TANC1: variants seen among roughly 807,000 people sequenced by gnomAD.
TANC1 encodes the protein protein TANC1.
A neutral mutation model predicts 149.7 loss-of-function variants in TANC1; 77 were observed. The ratio of observed to expected loss-of-function variants is 0.51; its 90% CI spans 0.43 to 0.62. TANC1 has a LOEUF of 0.62. Ranked by LOEUF, TANC1 falls within the 20% of genes least tolerant of loss-of-function variation. The pLI is 0.00. For synonymous variants in TANC1, 854 were observed against 925.0 expected, an observed-to-expected ratio of 0.92 and a Z score of 1.39; for missense variants, 1,985 against 2,321.8, an observed-to-expected ratio of 0.85 and a Z score of 2.98.
At chr2:159,213,182 A>C (rs1184015438) in intron 19 of TANC1, among the ~76,000 whole-genome samples, 1 of 152,162 alleles carries the variant, frequency 6.6e-6, no homozygotes, top group Non-Finnish European at 1.5e-5. Flanking sequence ...CAAAATAATC[A>C]ACTCAAAATC....
chr2:159,024,479 A>G (rs1368900650), intron 2 of TANC1, among the ~76,000 whole-genome samples: 2 of 152,178 alleles, frequency 1.3e-5, no homozygotes, highest in Non-Finnish European at 2.9e-5. Context: ...GCATGGGCGC[A>G]GTGGCTCATG....
chr2:159,179,204 C>T lies in TANC1; in HGVS notation c.2510+41C>T, dbSNP rs73002953. 1.7e-3 allele frequency: 2,655 copies of T among 1,570,626 alleles called. 39 individuals are homozygous for T. The African/African-American group carries it at 0.031, about 18-fold the overall frequency. ...TCTTTCAGCTCTTTGCAGGGAATCT[C>T]GTGTGCAGTTGGGGAAAGGATTTAA... On this transcript the variant is annotated intron_variant, in intron 14 of 26. Coordinates refer to ENST00000263635, the MANE Select transcript of TANC1 (RefSeq NM_033394.3).
rs182341197 is a variant in TANC1, at chr2:158,992,525, C to T, written c.-125-8555C>T. On this transcript the variant is annotated intron_variant, in intron 1 of 26. Coordinates refer to ENST00000263635, the MANE Select transcript of TANC1 (RefSeq NM_033394.3). ...GTGTAATATATTTCTTTTTTTGAGACGGAGTCTTGCCCTGTCGCCCAGGCT... is the reference window on the plus strand; with the variant it reads ...GTGTAATATATTTCTTTTTTTGAGATGGAGTCTTGCCCTGTCGCCCAGGCT... Among the ~76,000 whole-genome samples the T allele has an allele frequency of 3.9e-4, 60 of 151,914 alleles. 1 individual carries two copies. The highest frequency in any genetic ancestry group is 1.1e-3 in the Admixed American group (17 of 15,236).
At chr2:158,998,579 G>A (rs1169731228) in intron 1 of TANC1, among the ~76,000 whole-genome samples, 3 of 152,248 alleles carry the variant, frequency 2.0e-5, no homozygotes, top group Admixed American at 2.0e-4. Context: ...TGTAGGTGAT[G>A]TAGGCATGCT....
At chr2:159,034,388 A>G (rs1355404388) in intron 2 of TANC1, among the ~76,000 whole-genome samples, 3 of 152,238 alleles carry the variant, frequency 2.0e-5, no homozygotes, top group Non-Finnish European at 4.4e-5. Flanking sequence ...CAAAAGAAAC[A>G]GCTGGGAGTT....
intron 1 of TANC1, among the ~76,000 whole-genome samples, chr2:158,999,354 A>G (rs2036426693): frequency 6.6e-6 from 1 of 152,176 alleles, no homozygotes; most frequent in Admixed American, 6.5e-5. Flanking sequence ...AAGGAAGGAA[A>G]TTTCCATGGA....
Position 159,061,178 on chromosome 2 carries a change from G to A in TANC1, c.-15-4718G>A, listed in dbSNP as rs181900078. Among the ~76,000 whole-genome samples the A allele has an allele frequency of 1.3e-4, 20 of 152,260 alleles. No individual in the cohort carries two copies. The East Asian group carries it at 2.9e-3, about 22-fold the overall frequency. On this transcript the variant is annotated intron_variant, in intron 2 of 26. Transcript: ENST00000263635. ...TATTCACCTTTTCTCCTCAATGAAC[G>A]TTACAGGAAATTTACTTCTATTATT... is the stretch of plus-strand genomic sequence containing the variant.
At chr2:158,969,538 C>G (rs1259228538) in intron 1 of TANC1, among the ~76,000 whole-genome samples, 2 of 152,104 alleles carry the variant, frequency 1.3e-5, no homozygotes, top group African/African-American at 2.4e-5. Flanking sequence ...TTTCGGGGGA[C>G]GATATCAGGG....
intron 19 of TANC1, among the ~76,000 whole-genome samples, chr2:159,211,816 G>A (rs1488819751): frequency 1.3e-5 from 2 of 152,224 alleles, no homozygotes; most frequent in African/African-American, 4.8e-5. Context: ...TGTAGAACGT[G>A]ATCTGTTTTA....
At chr2:158,976,876 G>A (rs1400857085) in intron 1 of TANC1, among the ~76,000 whole-genome samples, 1 of 151,976 alleles carries the variant, frequency 6.6e-6, no homozygotes. Context: ...ATGAGACTCC[G>A]TCTTGAAAAA....
intron 2 of TANC1, among the ~76,000 whole-genome samples, chr2:159,043,065 G>A (rs1049846569): frequency 6.6e-6 from 1 of 152,144 alleles, no homozygotes; most frequent in Non-Finnish European, 1.5e-5. Context: ...GACTCAGCTT[G>A]GATAGTGAGC....
intron 22 of TANC1, among the ~76,000 whole-genome samples, chr2:159,220,783 T>C (rs13012628): frequency 0.4 from 60,154 of 152,008 alleles, 13,688 homozygotes; most frequent in Non-Finnish European, 0.55. Context: ...TTTTTCACCA[T>C]GTTGCCCAGG....
chr2:159,209,121 A>C (rs1037127240), intron 19 of TANC1, among the ~76,000 whole-genome samples: 23 of 152,220 alleles, frequency 1.5e-4, no homozygotes, highest in African/African-American at 4.8e-4. Flanking sequence ...TTGTGAGGTC[A>C]CTGAGCAGCA....
rs114399329 is a variant in TANC1 at position 158,970,035 on chromosome 2, G to A, written c.-126+1253G>A. Among the ~76,000 whole-genome samples, 543 of 152,188 alleles carry A rather than the reference G, an allele frequency of 3.6e-3. 5 individuals carry two copies. Among genetic ancestry groups the A allele is most frequent in the African/African-American group, 0.012 (500 of 41,534 alleles). ...TTGGACCGCAAACTCTGGCTGGCGC[G>A]GAAAGGAAGTTCCTGGTTCAGAATC... On this transcript the variant is annotated intron_variant, in intron 1 of 26. Transcript: ENST00000263635.
chr2:159,005,277 A>G (rs934364353), intron 2 of TANC1, among the ~76,000 whole-genome samples: 1 of 152,180 alleles, frequency 6.6e-6, no homozygotes, highest in Non-Finnish European at 1.5e-5. Flanking sequence ...AATATTGACC[A>G]TGGTTTTAGA....
chr2:159,217,819 T>C (rs189663161), intron 20 of TANC1, among the ~76,000 whole-genome samples, 189 bp downstream of exon 20: 45 of 152,280 alleles, frequency 3.0e-4, no homozygotes, highest in African/African-American at 1.1e-3. Context: ...CCACGTAGGC[T>C]GGGGAGCAAG....
At chr2:159,201,392 C>T (rs2058236022) in intron 19 of TANC1, among the ~76,000 whole-genome samples, 1 of 152,198 alleles carries the variant, frequency 6.6e-6, no homozygotes, top group African/African-American at 2.4e-5. Flanking sequence ...GATGAGGCAT[C>T]GTACAGAGAA....
chr2:159,218,469 T>C (rs1331119899), intron 20 of TANC1, among the ~76,000 whole-genome samples: 1 of 152,298 alleles, frequency 6.6e-6, no homozygotes, highest in South Asian at 2.1e-4. Flanking sequence ...TCACGGGGAA[T>C]TTTGGAAAGC....
chr2:159,002,214 G>C (rs966880149), intron 2 of TANC1, among the ~76,000 whole-genome samples: 5 of 152,218 alleles, frequency 3.3e-5, no homozygotes, highest in Non-Finnish European at 5.9e-5. Flanking sequence ...GTGTGGACAT[G>C]AGTTCAGCCT....
Sources: gnomAD v4.1 joint callset for allele counts (sites outside exome capture counted in the v4.1 genomes callset) on GRCh38, gnomAD v4.1.1 for gene constraint, MANE v1.5 for transcripts, NCBI Gene and HGNC (gene_info 2026-07-23, HGNC 2026-07-21) for gene names.